Variants in XPO6 observed in about 807,000 individuals in gnomAD.
XPO6 encodes the protein exportin 6, also known as exportin-6.
XPO6 carries 3 observed loss-of-function variants against 130.0 expected under a neutral mutation model. That is an observed-to-expected ratio of 0.02 (90% CI 0.01 to 0.06). The LOEUF is 0.06. Ranked by LOEUF, XPO6 falls within the 10% of genes least tolerant of loss-of-function variation. The pLI is 1.00. For missense variants in XPO6, 970 were observed against 1,393.0 expected (o/e 0.70, Z 4.83); for synonymous variants, 524 against 548.9 (o/e 0.95, Z 0.63).
chr16:28,166,164 T>A (rs748927367), intron 6 of XPO6, among the ~76,000 whole-genome samples: 1 of 152,130 alleles, frequency 6.6e-6, no homozygotes. Context: ...CCTGTTCCTA[T>A]GTCCTCTCCT....
intron 7 of XPO6, 55 bp downstream of exon 7, chr16:28,156,019 T>C: frequency 6.5e-7 from 1 of 1,542,740 alleles, no homozygotes; most frequent in Non-Finnish European, 8.7e-7. Flanking sequence ...CACAGCATGG[T>C]AAACAGTCAG....
Position 28,112,898 on chromosome 16 carries a change from C to A in XPO6, c.2151+6G>T. ...TGGGGACCCCGGGGGAGCTCTGGGG[C>A]CTCACCTTATCGACAAGTCGCAGGG... On this transcript the variant is annotated splice_donor_region_variant and intron_variant, in intron 16 of 23. Transcript: ENST00000304658. 6.2e-7 allele frequency: 1 copy of A among 1,612,282 alleles called. No individual in the cohort carries two copies.
At chr16:28,210,020 T>C (rs974052493) in intron 1 of XPO6, among the ~76,000 whole-genome samples, 1 of 151,994 alleles carries the variant, frequency 6.6e-6, no homozygotes, top group Non-Finnish European at 1.5e-5. Context: ...CCCCAGCTAC[T>C]TGGGAGGCTA....
chr16:28,141,802 T>C (rs1389637254), intron 9 of XPO6, among the ~76,000 whole-genome samples: 1 of 152,010 alleles, frequency 6.6e-6, no homozygotes, highest in African/African-American at 2.4e-5. Context: ...CTAATAAAAA[T>C]ACAAAAAATT....
chr16:28,165,560 G>A (rs1010078233), intron 6 of XPO6: 2 of 152,120 alleles, frequency 1.3e-5, no homozygotes, highest in Non-Finnish European at 2.9e-5. Flanking sequence ...TGCACTATGA[G>A]TACTCCCCAA....
At chr16:28,182,390 A>G (rs2043631682) in intron 1 of XPO6, among the ~76,000 whole-genome samples, 1 of 152,138 alleles carries the variant, frequency 6.6e-6, no homozygotes, top group Non-Finnish European at 1.5e-5. Context: ...CACACCAACC[A>G]ACACACACAA....
At chr16:28,151,507 G>T (rs961241518) in intron 8 of XPO6, among the ~76,000 whole-genome samples, 2 of 152,140 alleles carry the variant, frequency 1.3e-5, no homozygotes, top group African/African-American at 4.8e-5. Flanking sequence ...TAAAACAGGC[G>T]AAACTAGTCT....
rs2043832612 is a variant in XPO6, at chr16:28,194,712, C to T, written c.4-13681G>A. Among the ~76,000 whole-genome samples, 4 of 152,066 alleles carry T rather than the reference C, an allele frequency of 2.6e-5. No homozygotes were observed. The South Asian group carries it at 8.3e-4, about 32-fold the overall frequency. On this transcript the variant is annotated intron_variant, in intron 1 of 23. Coordinates refer to ENST00000304658, the MANE Select transcript of XPO6 (RefSeq NM_015171.4). The stretch of plus-strand genomic sequence containing the variant: ...GTTTTTCGGGGGTAAAAAAAGATTG[C>T]TAAAAAGACTGGTCGTACATTCTCT...
intron 9 of XPO6, among the ~76,000 whole-genome samples, chr16:28,144,229 C>T (rs916154737): frequency 2.0e-5 from 3 of 152,218 alleles, no homozygotes; most frequent in African/African-American, 7.2e-5. Context: ...TACCTATAAT[C>T]ACACATGTGA....
intron 2 of XPO6, among the ~76,000 whole-genome samples, chr16:28,178,862 A>G (rs1237282453): frequency 6.6e-6 from 1 of 152,044 alleles, no homozygotes; most frequent in African/African-American, 2.4e-5. Context: ...AGGTCAAGAG[A>G]TCGAGACTAT....
chr16:28,141,128 G>A (rs1440763793), intron 9 of XPO6, among the ~76,000 whole-genome samples: 3 of 152,112 alleles, frequency 2.0e-5, no homozygotes, highest in African/African-American at 7.2e-5. Flanking sequence ...TATTAAGCAG[G>A]TTCACCCACT....
chr16:28,189,212 C>CT lies in XPO6; in HGVS notation c.4-8182dup, dbSNP rs1321529237. 3.4e-5 allele frequency among the ~76,000 whole-genome samples: 5 copies of CT among 147,184 alleles called. No homozygotes were observed. The East Asian group carries it at 6.0e-4, about 18-fold the overall frequency. Reference sequence around the variant, plus strand: ...CCGCCTGCCTCAGCCTCCAAAAGTGCTGGGATTAGAGGCACGAGCCACCGC... The same window carrying CT: ...CCGCCTGCCTCAGCCTCCAAAAGTGCTTGGGATTAGAGGCACGAGCCACCGC... On this transcript the variant is annotated intron_variant, in intron 1 of 23. Transcript: ENST00000304658.
Position 28,107,617 on chromosome 16 carries a change from C to T in XPO6, c.2402G>A (p.Gly801Glu). The change falls in exon 18 of 24, where the codon GGG (glycine) becomes GAG (glutamate). Residue 801 changes from glycine to glutamate, a missense_variant. Gly to Glu is a moderately conservative substitution (Grantham distance 98, BLOSUM62 -2). Transcript: ENST00000304658. Reference sequence around the variant, plus strand: ...AATCTGTCGAGACTTGGTGGACTCCCCCGAGATATTCTCCACAATATCTTC... The same window carrying T: ...AATCTGTCGAGACTTGGTGGACTCCTCCGAGATATTCTCCACAATATCTTC... ...VLEDIVENISGESTKSRQICY... is the reference protein window; with the variant it reads ...VLEDIVENISEESTKSRQICY... 1 of 1,613,890 alleles carries T rather than the reference C, an allele frequency of 6.2e-7. No homozygotes were observed. The highest frequency in any genetic ancestry group is 8.5e-7 in the Non-Finnish European group (1 of 1,179,952).
intron 1 of XPO6, among the ~76,000 whole-genome samples, chr16:28,188,100 C>T (rs1244738134): frequency 6.6e-6 from 1 of 152,142 alleles, no homozygotes; most frequent in Non-Finnish European, 1.5e-5. Context: ...GGAATAATGA[C>T]TATTTTTTAA....
chr16:28,101,922 C>T lies in XPO6; in HGVS notation c.2970G>A (p.Gln990=). 1.2e-6 allele frequency: 2 copies of T among 1,614,012 alleles called. No individual in the cohort carries two copies. Among genetic ancestry groups the T allele is most frequent in the Non-Finnish European group, 1.7e-6 (2 of 1,179,994 alleles). Residue 990 remains glutamine, a synonymous_variant, in exon 22 of 24, where the codon CAG becomes CAA. Transcript: ENST00000304658. The surrounding 1 kb of genome is among the most constrained non-coding windows in gnomAD (Gnocchi z 5.4). ...TTTGTTTAAAAAGGTGGATGTCGGG[C>T]TGGAGAAAGGACTGTCCGAAAGCCT... ...IMQAFGQSFL[Q]PDIHLFKQNL... is the part of the protein sequence containing the mutation.
chr16:28,207,764 A>G (rs1050300332), intron 1 of XPO6, among the ~76,000 whole-genome samples: 2 of 152,208 alleles, frequency 1.3e-5, no homozygotes, highest in African/African-American at 2.4e-5. Context: ...GGAATCACAG[A>G]GCAGGTCTGT....
intron 17 of XPO6, chr16:28,111,027 A>T (rs1353059084): frequency 6.6e-6 from 1 of 152,234 alleles, no homozygotes; most frequent in Non-Finnish European, 1.5e-5. Flanking sequence ...AAAACTGGTC[A>T]GATTTAGGAG....
intron 2 of XPO6, among the ~76,000 whole-genome samples, 187 bp from the exon 3 acceptor site, chr16:28,177,519 A>T (rs2043551566): frequency 6.6e-6 from 1 of 152,202 alleles, no homozygotes; most frequent in Admixed American, 6.5e-5. Context: ...GTGACCATGG[A>T]CACTGACAAT....
intron 12 of XPO6, among the ~76,000 whole-genome samples, chr16:28,128,983 G>GA (rs775716655): frequency 1.3e-5 from 2 of 152,140 alleles, no homozygotes; most frequent in Non-Finnish European, 2.9e-5. Flanking sequence ...CAGTACCTAG[G>GA]ATGACAACTA....
Sources: allele counts gnomAD v4.1 joint callset (sites outside exome capture counted in the v4.1 genomes callset), GRCh38; gene constraint gnomAD v4.1.1; non-coding constraint Gnocchi (gnomAD v3.1); transcripts MANE v1.5; gene names NCBI Gene and HGNC (gene_info 2026-07-23, HGNC 2026-07-21).